The following TEX11 variants were observed in gnomAD, a reference collection of about 807,000 sequenced individuals.
TEX11 encodes testis expressed 11.
A neutral mutation model predicts 84.4 loss-of-function variants in TEX11; 7 were observed. The ratio of observed to expected loss-of-function variants is 0.08; its 90% confidence interval spans 0.05 to 0.16. TEX11 has a LOEUF of 0.16. TEX11 is among the 10% of genes least tolerant of loss of function. The pLI, the probability that TEX11 is intolerant of heterozygous loss-of-function variation, is 1.00. For missense variants in TEX11, 551 were observed against 660.5 expected (o/e 0.83, Z 1.82); for synonymous variants, 264 against 222.8 (o/e 1.18, Z -1.64).
At chrX:70,854,987 G>A (rs2091528222) in intron 5 of TEX11, among the ~76,000 whole-genome samples, 1 of 110,175 alleles carries the variant, frequency 9.1e-6, no homozygotes, top group African/African-American at 3.3e-5. Flanking sequence ...TGCCAAGGTT[G>A]CAGTGAGCCA....
chrX:70,719,851 A>G (rs2090541190), intron 13 of TEX11, among the ~76,000 whole-genome samples: 1 of 111,566 alleles, frequency 9.0e-6, no homozygotes, highest in Non-Finnish European at 1.9e-5. Context: ...AATGGCGATC[A>G]TTAAAAAGTC....
intron 25 of TEX11, among the ~76,000 whole-genome samples, chrX:70,567,267 T>A (rs1168044331): frequency 1.8e-5 from 2 of 111,532 alleles, no homozygotes; most frequent in African/African-American, 3.3e-5. Flanking sequence ...TTATCATTTT[T>A]TATTGCATCT....
intron 25 of TEX11, among the ~76,000 whole-genome samples, chrX:70,583,992 A>G (rs2088815570): frequency 1.8e-5 from 2 of 112,058 alleles, no homozygotes; most frequent in African/African-American, 3.2e-5. Flanking sequence ...AAAATGACAA[A>G]TTCCTGGCCG....
intron 18 of TEX11, 111 bp downstream of exon 18, chrX:70,629,500 G>A: frequency 1.1e-6 from 1 of 911,490 alleles, no homozygotes; most frequent in Non-Finnish European, 1.5e-6. Context: ...AAAATATGAG[G>A]CAAAACAAAC....
chrX:70,706,532 G>T (rs2090378241), intron 13 of TEX11, among the ~76,000 whole-genome samples: 1 of 110,942 alleles, frequency 9.0e-6, no homozygotes, highest in African/African-American at 3.3e-5. Flanking sequence ...ATGCCAAATA[G>T]GTAGGCAAGA....
intron 24 of TEX11, among the ~76,000 whole-genome samples, chrX:70,592,153 T>C (rs2088940560): frequency 9.0e-6 from 1 of 111,275 alleles, no homozygotes. Context: ...TCATAACTAG[T>C]GAAAATTAGA....
At chrX:70,764,972 G>A (rs947442035) in intron 9 of TEX11, among the ~76,000 whole-genome samples, 3 of 111,400 alleles carry the variant, frequency 2.7e-5, no homozygotes, top group Admixed American at 9.6e-5. Context: ...CTCATTCTAC[G>A]AGGCCAGTAT....
chrX:70,834,933 C>G lies in TEX11; in HGVS notation c.526-1340G>C, dbSNP rs1389530082. 5.4e-5 allele frequency among the ~76,000 whole-genome samples: 6 copies of G among 110,866 alleles called. No individual in the cohort carries two copies. In the South Asian group the frequency reaches 2.3e-3, roughly 42 times the overall value. ...TTGAGTAGACAGAAGAAAATATAAA[C>G]AACGTAAGACACCAGCTTCTCTCTA... On this transcript the variant is annotated intron_variant, in intron 7 of 29. Coordinates refer to ENST00000374333, the MANE Select transcript of TEX11 (RefSeq NM_031276.3).
chrX:70,719,883 A>T (rs1213922114), intron 13 of TEX11, among the ~76,000 whole-genome samples: 1 of 111,245 alleles, frequency 9.0e-6, no homozygotes, highest in East Asian at 2.8e-4. Context: ...GGTGCTGGAG[A>T]GGATGTGGAG....
intron 20 of TEX11, among the ~76,000 whole-genome samples, chrX:70,618,866 G>A (rs747601056): frequency 9.0e-6 from 1 of 111,567 alleles, no homozygotes; most frequent in South Asian, 3.9e-4. Flanking sequence ...AAGGGAAGCC[G>A]GAACAAGCAA....
In TEX11 at chrX:70,878,168, CT is replaced by C. The variant is rs34459152; in HGVS notation, c.159+1819del. ...GGAAAAACTGGATCCCTCTATCCCT[CT>C]TTTTTTTTTTTTTTTTTTTTTGAGA... On this transcript the variant is annotated intron_variant, in intron 3 of 29. Coordinates refer to ENST00000374333, the MANE Select transcript of TEX11 (RefSeq NM_031276.3). 9.8e-3 allele frequency among the ~76,000 whole-genome samples: 709 copies of C among 72,495 alleles called. 1 individual carries two copies. The highest frequency in any genetic ancestry group is 0.016 in the African/African-American group (296 of 18,301). 63.0% of individuals were successfully genotyped at this position (72,495 alleles called of 115,157 possible).
rs967937749 is a variant in TEX11, at chrX:70,824,821, C to A, written c.606+8692G>T. On this transcript the variant is annotated intron_variant, in intron 8 of 29. Coordinates refer to ENST00000374333, the MANE Select transcript of TEX11 (RefSeq NM_031276.3). Reference sequence around the variant, plus strand: ...CTAACAGATAAACCTCTGCCAAGTACCAGGACTGATCAATGAGTGTTGCAT... The same window carrying A: ...CTAACAGATAAACCTCTGCCAAGTAACAGGACTGATCAATGAGTGTTGCAT... Among the ~76,000 whole-genome samples the A allele has an allele frequency of 2.7e-5, 3 of 111,770 alleles. 1 individual carries two copies. The South Asian group carries it at 1.1e-3, about 41-fold the overall frequency.
intron 8 of TEX11, among the ~76,000 whole-genome samples, chrX:70,817,982 T>G (rs2091298275): frequency 9.1e-6 from 1 of 110,331 alleles, no homozygotes. Context: ...AAGCAATGAT[T>G]TAACAACTAT....
chrX:70,563,045 T>C (rs148511726), intron 25 of TEX11, among the ~76,000 whole-genome samples: 1,180 of 112,339 alleles, frequency 0.011, 13 homozygotes, highest in African/African-American at 0.036. Flanking sequence ...TGGAATTATG[T>C]TGTAAGCTCC....
At chrX:70,788,939 TATATA>T (rs2091096923) in intron 9 of TEX11, among the ~76,000 whole-genome samples, 1 of 18,589 alleles carries the variant, frequency 5.4e-5, no homozygotes, top group Non-Finnish European at 8.3e-5. Context: ...GTTTTGATTA[TATATA>T]TATATATATA....
chrX:70,599,854 A>C (rs1206907318), intron 24 of TEX11, among the ~76,000 whole-genome samples: 4 of 107,546 alleles, frequency 3.7e-5, no homozygotes, highest in Non-Finnish European at 5.8e-5. Flanking sequence ...TGAACTCATC[A>C]TTTTTTATGG....
Position 70,770,910 on chromosome X carries a change from T to C in TEX11, c.693-26691A>G, listed in dbSNP as rs1440715010. 2.7e-5 allele frequency among the ~76,000 whole-genome samples: 3 copies of C among 110,828 alleles called. No individual in the cohort carries two copies. In the Admixed American group the frequency reaches 2.9e-4, roughly 11 times the overall value. ...GAGATATTCCGTCAAGAAAAAAAAC[T>C]ATTCCTGACCAATAGAAAGCAACTC... On this transcript the variant is annotated intron_variant, in intron 9 of 29. Transcript: ENST00000374333.
chrX:70,631,446 AT>A (rs2089509311), intron 17 of TEX11, among the ~76,000 whole-genome samples: 1 of 111,491 alleles, frequency 9.0e-6, no homozygotes. Context: ...TTGGAACCAA[AT>A]TAAAATGAAA....
intron 24 of TEX11, among the ~76,000 whole-genome samples, chrX:70,594,914 G>A (rs1482727550): frequency 3.6e-5 from 4 of 110,984 alleles, no homozygotes; most frequent in Non-Finnish European, 7.5e-5. Context: ...CAATTAAACC[G>A]CTTTCCTTTA....
Sources: gnomAD v4.1 joint callset for allele counts (sites outside exome capture counted in the v4.1 genomes callset) on GRCh38, gnomAD v4.1.1 for gene constraint, MANE v1.5 for transcripts, NCBI Gene and HGNC (gene_info 2026-07-23, HGNC 2026-07-21) for gene names.